Variants in PTPRD observed in about 807,000 individuals in gnomAD.
The protein encoded by PTPRD is protein tyrosine phosphatase receptor type D.
PTPRD carries 34 observed loss-of-function variants against 214.5 expected under a neutral mutation model. The ratio of observed to expected loss-of-function variants is 0.16; its 90% CI spans 0.12 to 0.21. PTPRD has a LOEUF of 0.21. PTPRD is among the 10% of genes least tolerant of loss of function. The probability of loss-of-function intolerance (pLI) is 1.00; values close to 1 mark genes in which losing one functional copy is unlikely to be tolerated. For missense variants in PTPRD, 2,545 were observed against 2,398.7 expected, an observed-to-expected ratio of 1.06 and a Z score of -1.27; for synonymous variants, 1,128 against 845.7, an observed-to-expected ratio of 1.33 and a Z score of -5.79.
At chr9:8,355,998 T>A (rs967808828) in intron 39 of PTPRD, among the ~76,000 whole-genome samples, 5 of 152,326 alleles carry the variant, frequency 3.3e-5, no homozygotes, top group African/African-American at 9.6e-5. Context: ...CACATAAATT[T>A]AAAAAAATCA....
chr9:9,780,493 A>C (rs1324492138), intron 5 of PTPRD, among the ~76,000 whole-genome samples: 1 of 152,272 alleles, frequency 6.6e-6, no homozygotes, highest in Non-Finnish European at 1.5e-5. Context: ...ACAAATATGC[A>C]TATGAAAAGA....
intron 3 of PTPRD, among the ~76,000 whole-genome samples, chr9:10,293,780 C>T (rs1005598155): frequency 5.3e-4 from 81 of 151,952 alleles, no homozygotes; most frequent in African/African-American, 2.0e-3. Flanking sequence ...AGAACAGCCA[C>T]TTGTCTCCAG....
chr9:10,578,166 T>A (rs2070231016), intron 2 of PTPRD, among the ~76,000 whole-genome samples: 1 of 152,028 alleles, frequency 6.6e-6, no homozygotes, highest in Non-Finnish European at 1.5e-5. Flanking sequence ...TGCCTCGGCC[T>A]CCCAAAGTGC....
At chr9:8,386,783 G>A (rs2135508630) in intron 37 of PTPRD, among the ~76,000 whole-genome samples, 1 of 152,304 alleles carries the variant, frequency 6.6e-6, no homozygotes, top group South Asian at 2.1e-4. Flanking sequence ...ATCCAGGAAT[G>A]CCTTCTCCTT....
Position 8,486,081 on chromosome 9 carries a change from G to C in PTPRD, c.2736C>G (p.Ser912=). ...GFGEEMVKEI[S]IPEEVPTGFP... is the part of the protein sequence containing the mutation. ...ATCCAGTTGGTACTTCTTCTGGAATGGAAATCTCCTTCACCATCTCCTCCC... is the reference window on the plus strand; with the variant it reads ...ATCCAGTTGGTACTTCTTCTGGAATCGAAATCTCCTTCACCATCTCCTCCC... Residue 912 remains serine (S), a synonymous_variant, in exon 28 of 46, where the codon TCC becomes TCG. Coordinates refer to ENST00000381196, the MANE Select transcript of PTPRD (RefSeq NM_002839.4). 1 of 1,614,168 alleles carries C rather than the reference G, an allele frequency of 6.2e-7. No individual in the cohort carries two copies. The highest frequency in any genetic ancestry group is 8.5e-7 in the Non-Finnish European group (1 of 1,180,028).
chr9:8,404,487 T>C, intron 36 of PTPRD, 50 bp downstream of exon 36: 3 of 1,581,326 alleles, frequency 1.9e-6, no homozygotes, highest in African/African-American at 1.3e-5. Flanking sequence ...CTCATGCACA[T>C]ACTCAAATCC....
intron 5 of PTPRD, among the ~76,000 whole-genome samples, chr9:9,783,927 G>A (rs1018807698): frequency 6.6e-6 from 1 of 150,532 alleles, no homozygotes; most frequent in African/African-American, 2.4e-5. Flanking sequence ...AACTGCCAGA[G>A]ACTAAAGCCA....
At chr9:9,516,232 A>C (rs961024638) in intron 8 of PTPRD, among the ~76,000 whole-genome samples, 15 of 89,314 alleles carry the variant, frequency 1.7e-4, no homozygotes, top group Non-Finnish European at 3.9e-4. Context: ...TCTACAGTCC[A>C]TCTAAATCTA....
chr9:9,808,632 G>A (rs764164994), intron 5 of PTPRD, among the ~76,000 whole-genome samples: 4 of 152,034 alleles, frequency 2.6e-5, no homozygotes, highest in Non-Finnish European at 5.9e-5. Context: ...ATCCCATTCA[G>A]TTTTTTAAAT....
chr9:9,539,404 G>A (rs2077143623), intron 8 of PTPRD, among the ~76,000 whole-genome samples: 1 of 151,816 alleles, frequency 6.6e-6, no homozygotes. Flanking sequence ...AATGACTTTT[G>A]TCTCTTGGAC....
chr9:9,701,699 A>G (rs1255408252), intron 7 of PTPRD, among the ~76,000 whole-genome samples: 3 of 152,176 alleles, frequency 2.0e-5, no homozygotes, highest in Non-Finnish European at 4.4e-5. Flanking sequence ...TTAAAGTTGA[A>G]TTCAACCAAA....
At chr9:9,994,836 A>G (rs1171657511) in intron 4 of PTPRD, among the ~76,000 whole-genome samples, 1 of 152,118 alleles carries the variant, frequency 6.6e-6, no homozygotes, top group Non-Finnish European at 1.5e-5. Flanking sequence ...GCTTTGTCTA[A>G]AATATTTTTA....
intron 3 of PTPRD, among the ~76,000 whole-genome samples, chr9:10,153,132 G>A (rs376663241): frequency 6.6e-6 from 1 of 152,062 alleles, no homozygotes; most frequent in Non-Finnish European, 1.5e-5. Flanking sequence ...TACATTGTAT[G>A]TATGAAAGTT....
intron 3 of PTPRD, among the ~76,000 whole-genome samples, chr9:10,140,404 T>C (rs2098975744): frequency 6.6e-6 from 1 of 151,376 alleles, no homozygotes; most frequent in Non-Finnish European, 1.5e-5. Flanking sequence ...CAACAAAAAA[T>C]GATAAAGGGG....
At chr9:10,273,417 C>G (rs2094523033) in intron 3 of PTPRD, among the ~76,000 whole-genome samples, 1 of 151,968 alleles carries the variant, frequency 6.6e-6, no homozygotes, top group African/African-American at 2.4e-5. Flanking sequence ...GGGTCTTTTT[C>G]AGTGGCCAAC....
chr9:8,499,927 C>G (rs2136863349), intron 24 of PTPRD, 87 bp from the exon 25 acceptor site: 1 of 1,201,484 alleles, frequency 8.3e-7, no homozygotes, highest in Non-Finnish European at 1.1e-6. Context: ...ACTTAGGTTT[C>G]TCTTTCAAAA....
chr9:8,760,290 A>G (rs893509649), intron 11 of PTPRD, among the ~76,000 whole-genome samples: 5 of 152,196 alleles, frequency 3.3e-5, no homozygotes, highest in African/African-American at 1.2e-4. Context: ...TATTTCAATC[A>G]TCAGCTTTTT....
chr9:9,865,606 G>C (rs2063767232), intron 5 of PTPRD, among the ~76,000 whole-genome samples: 1 of 152,120 alleles, frequency 6.6e-6, no homozygotes, highest in Non-Finnish European at 1.5e-5. Context: ...CCCAGTTTCA[G>C]ATATTCTGTT....
chr9:10,355,690 G>A (rs867957987), intron 2 of PTPRD, among the ~76,000 whole-genome samples: 18 of 151,976 alleles, frequency 1.2e-4, no homozygotes, highest in Middle Eastern at 3.4e-3. Flanking sequence ...GTTGGTCAGG[G>A]TGATCTTGAA....
Sources: gnomAD v4.1 joint callset for allele counts (sites outside exome capture counted in the v4.1 genomes callset) on GRCh38, gnomAD v4.1.1 for gene constraint, MANE v1.5 for transcripts, NCBI Gene and HGNC (gene_info 2026-07-23, HGNC 2026-07-21) for gene names.